Variants in NDST4 observed in about 807,000 individuals in gnomAD.
The protein encoded by NDST4 is N-heparan sulfate sulfotransferase 4.
Under a neutral mutation model 100.8 loss-of-function variants are expected in NDST4, and 63 were observed. The ratio of observed to expected loss-of-function variants is 0.62; its 90% CI spans 0.51 to 0.77. The LOEUF is 0.77. Ranked by LOEUF, NDST4 falls within the 30% of genes least tolerant of loss-of-function variation. NDST4 has a pLI of 0.00. For synonymous variants in NDST4, 377 were observed against 361.8 expected (o/e 1.04, Z -0.48); for missense variants, 943 against 1,018.4 (o/e 0.93, Z 1.01).
At chr4:114,914,645 G>A (rs1322746295) in intron 6 of NDST4, among the ~76,000 whole-genome samples, 1 of 151,988 alleles carries the variant, frequency 6.6e-6, no homozygotes, top group African/African-American at 2.4e-5. Flanking sequence ...TAATGATATT[G>A]TTTTTTTCAG....
At chr4:114,931,795 A>G (rs1725521683) in intron 6 of NDST4, among the ~76,000 whole-genome samples, 1 of 151,926 alleles carries the variant, frequency 6.6e-6, no homozygotes, top group Non-Finnish European at 1.5e-5. Context: ...TGAGTCATGA[A>G]GAAATAGGAA....
intron 2 of NDST4, among the ~76,000 whole-genome samples, chr4:115,029,417 A>G (rs1728059042): frequency 6.6e-6 from 1 of 152,124 alleles, no homozygotes; most frequent in Admixed American, 6.6e-5. Flanking sequence ...TTTAGGGAAT[A>G]GATTTATGAT....
At chr4:115,099,579 G>A (rs1277649800) in intron 1 of NDST4, among the ~76,000 whole-genome samples, 1 of 152,032 alleles carries the variant, frequency 6.6e-6, no homozygotes, top group Non-Finnish European at 1.5e-5. Flanking sequence ...ACATCATATG[G>A]TACTGGGGAG....
intron 2 of NDST4, among the ~76,000 whole-genome samples, chr4:114,993,528 C>G (rs78227903): frequency 0.036 from 5,432 of 152,016 alleles, 331 homozygotes; most frequent in African/African-American, 0.12. Context: ...GACATATATT[C>G]TGTTGCCTTT....
At position 114,870,783 on chromosome 4, in the gene NDST4, T is replaced by C; in HGVS notation, c.1704A>G (p.Lys568=). ...HQYFELFPEQ[K]DPLWQNPCDD... is the part of the protein sequence containing the mutation. Reference sequence around the variant, plus strand: ...TAAATGTTACCTGCCATAGAGGGTCTTTCTGCTCAGGGAAGAGCTCAAAAT... The same window carrying C: ...TAAATGTTACCTGCCATAGAGGGTCCTTCTGCTCAGGGAAGAGCTCAAAAT... The change falls in exon 7 of 14, where the codon AAA becomes AAG. Residue 568 remains lysine (K), a synonymous_variant. Transcript: ENST00000264363. The C allele has an allele frequency of 6.2e-7, 1 of 1,609,756 alleles. No homozygotes were observed. The highest frequency in any genetic ancestry group is 8.5e-7 in the Non-Finnish European group (1 of 1,178,246).
At chr4:114,875,217 CTTG>C (rs1411211677) in intron 6 of NDST4, among the ~76,000 whole-genome samples, 1 of 152,190 alleles carries the variant, frequency 6.6e-6, no homozygotes, top group African/African-American at 2.4e-5. Flanking sequence ...CTGCCTTTAT[CTTG>C]TTGTTGGCAC....
At chr4:114,984,216 T>C (rs1420776377) in intron 2 of NDST4, among the ~76,000 whole-genome samples, 1 of 151,836 alleles carries the variant, frequency 6.6e-6, no homozygotes, top group Non-Finnish European at 1.5e-5. Flanking sequence ...GCTGATGGAG[T>C]CACCCAGGCT....
chr4:115,036,121 AT>A (rs999459436), intron 2 of NDST4, among the ~76,000 whole-genome samples: 2 of 151,768 alleles, frequency 1.3e-5, no homozygotes, highest in African/African-American at 4.8e-5. Flanking sequence ...CACAAAAATT[AT>A]TTTTTATGTG....
At chr4:114,914,016 T>A (rs1470656890) in intron 6 of NDST4, among the ~76,000 whole-genome samples, 1 of 152,102 alleles carries the variant, frequency 6.6e-6, no homozygotes, top group African/African-American at 2.4e-5. Flanking sequence ...TGGAATAAGA[T>A]CCTGTCATTT....
intron 6 of NDST4, among the ~76,000 whole-genome samples, chr4:114,873,675 T>G (rs960993024): frequency 6.6e-6 from 1 of 152,060 alleles, no homozygotes; most frequent in African/African-American, 2.4e-5. Context: ...ATTATTGTCA[T>G]AAGAACTTCT....
chr4:114,914,014 G>A (rs1578385012), intron 6 of NDST4, among the ~76,000 whole-genome samples: 1 of 152,020 alleles, frequency 6.6e-6, no homozygotes, highest in East Asian at 1.9e-4. Flanking sequence ...AATGGAATAA[G>A]ATCCTGTCAT....
chr4:115,052,456 A>G (rs1728602527), intron 2 of NDST4, among the ~76,000 whole-genome samples: 1 of 152,080 alleles, frequency 6.6e-6, no homozygotes, highest in African/African-American at 2.4e-5. Flanking sequence ...TATCTCCCAT[A>G]ATTCCCGTGT....
intron 6 of NDST4, among the ~76,000 whole-genome samples, chr4:114,901,567 G>GT (rs550034556): frequency 2.0e-5 from 3 of 151,754 alleles, no homozygotes; most frequent in African/African-American, 7.3e-5. Context: ...GTTGGGGCTT[G>GT]TTTTTTTATC....
chr4:115,038,877 G>A (rs1728289253), intron 2 of NDST4, among the ~76,000 whole-genome samples: 1 of 152,154 alleles, frequency 6.6e-6, no homozygotes, highest in Non-Finnish European at 1.5e-5. Context: ...TCAGGAGGCT[G>A]AGTGTGTTAG....
Position 115,036,976 on chromosome 4 carries a change from C to T in NDST4, c.978+39083G>A, listed in dbSNP as rs1578473393. Among the ~76,000 whole-genome samples, 3 of 151,590 alleles carry T rather than the reference C, an allele frequency of 2.0e-5. No homozygotes were observed. In the East Asian group the frequency reaches 5.8e-4, roughly 29 times the overall value. ...GATAAAACATTTAAAAGAAAAATAG[C>T]TTTTTATATATTATTTTGCTTGATA... On this transcript the variant is annotated intron_variant, in intron 2 of 13. Transcript: ENST00000264363.
Position 114,839,366 on chromosome 4 carries a change from T to G in NDST4, c.2286+12A>C. 1 of 1,595,910 alleles carries G rather than the reference T, an allele frequency of 6.3e-7. No individual in the cohort carries two copies. The highest frequency in any genetic ancestry group is 8.5e-7 in the Non-Finnish European group (1 of 1,170,096). The stretch of plus-strand genomic sequence containing the variant: ...ATAAAATAAACAGAAGAAAGTAATT[T>G]CAGGACATTACCTGAGAAGTAGCAA... On this transcript the variant is annotated intron_variant, in intron 11 of 13. Coordinates refer to ENST00000264363, the MANE Select transcript of NDST4 (RefSeq NM_022569.3).
chr4:115,113,202 T>C (rs1168495226), intron 1 of NDST4, among the ~76,000 whole-genome samples: 3 of 150,918 alleles, frequency 2.0e-5, no homozygotes, highest in African/African-American at 7.3e-5. Context: ...GTTGTATCTC[T>C]TTTTTTTTAT....
intron 2 of NDST4, among the ~76,000 whole-genome samples, chr4:115,008,775 C>T (rs1727476959): frequency 7.8e-6 from 1 of 127,402 alleles, no homozygotes; most frequent in Non-Finnish European, 1.7e-5. Flanking sequence ...GATTGTATAT[C>T]TAGAAAACCC....
At chr4:115,054,906 C>G (rs919144968) in intron 2 of NDST4, among the ~76,000 whole-genome samples, 4 of 152,128 alleles carry the variant, frequency 2.6e-5, no homozygotes, top group Admixed American at 2.6e-4. Flanking sequence ...GGTTCCTCCA[C>G]TCCTGGGCCA....
Sources: allele counts gnomAD v4.1 joint callset (sites outside exome capture counted in the v4.1 genomes callset), GRCh38; gene constraint gnomAD v4.1.1; transcripts MANE v1.5; gene names NCBI Gene and HGNC (gene_info 2026-07-23, HGNC 2026-07-21).